The following KLHL6 variants were observed in gnomAD, a reference collection of about 807,000 sequenced individuals.
The protein encoded by KLHL6 is kelch like family member 6, also known as kelch-like protein 6.
Under a neutral mutation model 58.6 loss-of-function variants are expected in KLHL6, and 41 were observed. The ratio of observed to expected loss-of-function variants is 0.70; its 90% CI spans 0.55 to 0.91. The LOEUF is 0.91. KLHL6 is among the 40% of genes least tolerant of loss of function. The pLI, the probability that KLHL6 is intolerant of heterozygous loss-of-function variation, is 0.00. For synonymous variants in KLHL6, 338 were observed against 322.7 expected (o/e 1.05, Z -0.51); for missense variants, 714 against 805.6 (o/e 0.89, Z 1.38).
chr3:183,492,534 G>A lies in KLHL6; in HGVS notation c.1524C>T (p.Cys508=), dbSNP rs1366237512. The change falls in exon 6 of 7, where the codon TGC becomes TGT. Residue 508 remains cysteine (C), a synonymous_variant. Transcript: ENST00000341319. This position sits in a 1 kb window ranked among gnomAD's most constrained non-coding sequence, Gnocchi z 5.9. ...LKAAMPVEAK[C]INAVSFRDRI... is the part of the protein sequence containing the mutation. ...GGTCCCGGAAACTCACTGCATTGAT[G>A]CATTTAGCCTCCACGGGCATGGCCG... The A allele has an allele frequency of 6.2e-7, 1 of 1,614,220 alleles. No individual in the cohort carries two copies. The highest frequency in any genetic ancestry group is 1.1e-5 in the South Asian group (1 of 91,084).
rs80034423 is a variant in KLHL6 at position 183,528,166 on chromosome 3, C to A, written c.294-156G>T. 5.8e-4 allele frequency among the ~76,000 whole-genome samples: 88 copies of A among 152,216 alleles called. 2 individuals carry two copies. In the East Asian group the frequency reaches 0.016, roughly 27 times the overall value. On this transcript the variant is annotated intron_variant, in intron 1 of 6. Coordinates refer to ENST00000341319, the MANE Select transcript of KLHL6 (RefSeq NM_130446.4). ...TCTCTGTTCTCCAGCACCCCCTACGCATTAGACATTTCATCAGTACTTACC... is the reference window on the plus strand; with the variant it reads ...TCTCTGTTCTCCAGCACCCCCTACGAATTAGACATTTCATCAGTACTTACC...
At chr3:183,536,049 C>T (rs1281139608) in intron 1 of KLHL6, among the ~76,000 whole-genome samples, 1 of 152,228 alleles carries the variant, frequency 6.6e-6, no homozygotes, top group African/African-American at 2.4e-5. Context: ...GCTGGGATTA[C>T]AGGTGTCAGC....
At chr3:183,523,904 C>T (rs1045848728) in intron 2 of KLHL6, among the ~76,000 whole-genome samples, 7 of 151,922 alleles carry the variant, frequency 4.6e-5, no homozygotes, top group East Asian at 1.9e-4. Flanking sequence ...GGATTACAGG[C>T]GCCCACCACC....
chr3:183,497,963 C>T (rs1717761457), intron 4 of KLHL6, among the ~76,000 whole-genome samples: 1 of 152,168 alleles, frequency 6.6e-6, no homozygotes, highest in South Asian at 2.1e-4. Flanking sequence ...AGGCCGGGCG[C>T]AGTGGCTCAC....
chr3:183,524,326 T>C (rs1711874800), intron 2 of KLHL6, among the ~76,000 whole-genome samples: 1 of 152,228 alleles, frequency 6.6e-6, no homozygotes, highest in Non-Finnish European at 1.5e-5. Flanking sequence ...CCACCGCATG[T>C]GAGAACAGGT....
At chr3:183,509,097 G>C (rs902128234) in intron 2 of KLHL6, among the ~76,000 whole-genome samples, 2 of 152,076 alleles carry the variant, frequency 1.3e-5, no homozygotes, top group African/African-American at 4.8e-5. Flanking sequence ...CATTACAAGG[G>C]GATAAAAGAG....
intron 3 of KLHL6, 139 bp downstream of exon 3, chr3:183,507,920 C>A: frequency 1.4e-6 from 1 of 710,058 alleles, no homozygotes. Context: ...TGGAACTGAC[C>A]GACTCAGCAA....
At chr3:183,542,164 A>G (rs1036553029) in intron 1 of KLHL6, among the ~76,000 whole-genome samples, 14 of 151,860 alleles carry the variant, frequency 9.2e-5, no homozygotes, top group Admixed American at 5.9e-4. Flanking sequence ...TCTCACTGAA[A>G]TTTCTTGCAA....
intron 2 of KLHL6, among the ~76,000 whole-genome samples, chr3:183,509,835 A>T (rs952883557): frequency 8.5e-5 from 13 of 152,354 alleles, no homozygotes; most frequent in African/African-American, 2.9e-4. Flanking sequence ...TGGACAGGGA[A>T]TATACTATAT....
chr3:183,502,140 GA>G (rs1259130288), intron 3 of KLHL6, among the ~76,000 whole-genome samples: 1 of 151,838 alleles, frequency 6.6e-6, no homozygotes, highest in Non-Finnish European at 1.5e-5. Context: ...AAATAAAAAA[GA>G]AAATAAAAAA....
chr3:183,500,302 C>T (rs911479889), intron 3 of KLHL6, among the ~76,000 whole-genome samples: 1 of 152,160 alleles, frequency 6.6e-6, no homozygotes, highest in Non-Finnish European at 1.5e-5. Context: ...ACAGTGACAA[C>T]GTAAGAGCAT....
intron 2 of KLHL6, among the ~76,000 whole-genome samples, chr3:183,513,712 T>TC (rs1386110526): frequency 6.6e-6 from 1 of 151,956 alleles, no homozygotes; most frequent in Non-Finnish European, 1.5e-5. Flanking sequence ...TGTATTTCTT[T>TC]TTTTTTATTT....
intron 2 of KLHL6, among the ~76,000 whole-genome samples, chr3:183,516,954 G>A (rs1225384649): frequency 6.6e-6 from 1 of 152,192 alleles, no homozygotes; most frequent in Non-Finnish European, 1.5e-5. Context: ...CTGTCACCCA[G>A]GCTGGAGTGC....
rs1717602938 is a variant in KLHL6 at position 183,492,676 on chromosome 3, A to G, written c.1382T>C (p.Phe461Ser). Reference sequence around the variant, plus strand: ...CTTCTTCTTATGGCTGGTGGCTGCAAAGGAACTGACATGGACAAGGAGGGG... The same window carrying G: ...CTTCTTCTTATGGCTGGTGGCTGCAGAGGAACTGACATGGACAAGGAGGGG... ...AAPLLVHVSS[F>S]AATSHKKKLY... The change falls in exon 6 of 7, where the codon TTT becomes TCT. Residue 461 changes from phenylalanine (F) to serine (S), a missense_variant. Coordinates refer to ENST00000341319, the MANE Select transcript of KLHL6 (RefSeq NM_130446.4). This position sits in a 1 kb window ranked among gnomAD's most constrained non-coding sequence, Gnocchi z 5.9. 15 of 1,613,824 alleles carry G rather than the reference A, an allele frequency of 9.3e-6. No individual in the cohort carries two copies. The highest frequency in any genetic ancestry group is 1.3e-5 in the Non-Finnish European group (15 of 1,180,004).
chr3:183,533,953 C>A (rs1712240325), intron 1 of KLHL6, among the ~76,000 whole-genome samples: 1 of 151,710 alleles, frequency 6.6e-6, no homozygotes, highest in Non-Finnish European at 1.5e-5. Flanking sequence ...GAAATCCCCG[C>A]CCAGAGCTGG....
chr3:183,534,946 A>T lies in KLHL6; in HGVS notation c.294-6936T>A, dbSNP rs200910307. The stretch of plus-strand genomic sequence containing the variant: ...TGCATATATATACATATATATATAT[A>T]TATATTTTTTTTTTTTGAGACAGAG... On this transcript the variant is annotated intron_variant, in intron 1 of 6. Transcript: ENST00000341319. Among the ~76,000 whole-genome samples, 265 of 96,732 alleles carry T rather than the reference A, an allele frequency of 2.7e-3. 4 individuals carry two copies. The highest frequency in any genetic ancestry group is 8.7e-3 in the African/African-American group (204 of 23,334). The allele number at this position is 96,732 out of a possible 152,430, so 63.5% of individuals were successfully genotyped here.
In KLHL6 at chr3:183,550,146, C is replaced by T. The variant is rs1712861953; in HGVS notation, c.293+5215G>A. ...GTCTTGGAAGTTAAAAACTGAGATTCTCAACAGGTTGGAAGATAAAATTGA... is the reference window on the plus strand; with the variant it reads ...GTCTTGGAAGTTAAAAACTGAGATTTTCAACAGGTTGGAAGATAAAATTGA... On this transcript the variant is annotated intron_variant, in intron 1 of 6. Coordinates refer to ENST00000341319, the MANE Select transcript of KLHL6 (RefSeq NM_130446.4). Among the ~76,000 whole-genome samples, 4 of 152,158 alleles carry T rather than the reference C, an allele frequency of 2.6e-5. No homozygotes were observed. The South Asian group carries it at 8.3e-4, about 32-fold the overall frequency.
chr3:183,511,330 C>T lies in KLHL6; in HGVS notation c.460-2822G>A, dbSNP rs1228315251. On this transcript the variant is annotated intron_variant, in intron 2 of 6. Coordinates refer to ENST00000341319, the MANE Select transcript of KLHL6 (RefSeq NM_130446.4). Reference sequence around the variant, plus strand: ...AAGCAGCATTGCTGCCAACATGTCTCGCCTCCCGCCACAGGGCGGTTTTTC... The same window carrying T: ...AAGCAGCATTGCTGCCAACATGTCTTGCCTCCCGCCACAGGGCGGTTTTTC... Among the ~76,000 whole-genome samples the T allele has an allele frequency of 2.6e-5, 4 of 152,224 alleles. 1 individual carries two copies. The highest frequency in any genetic ancestry group is 2.9e-5 in the Non-Finnish European group (2 of 68,044).
chr3:183,512,288 G>A (rs372913150), intron 2 of KLHL6, among the ~76,000 whole-genome samples: 4 of 152,166 alleles, frequency 2.6e-5, no homozygotes, highest in African/African-American at 9.7e-5. Context: ...GATATTTCTA[G>A]GAACTTAGAC....
Sources: gnomAD v4.1 joint callset for allele counts (sites outside exome capture counted in the v4.1 genomes callset) on GRCh38, gnomAD v4.1.1 for gene constraint, Gnocchi (gnomAD v3.1) non-coding constraint, MANE v1.5 for transcripts, NCBI Gene and HGNC (gene_info 2026-07-23, HGNC 2026-07-21) for gene names.